The following KIT variants were observed in gnomAD, a reference collection of about 807,000 sequenced individuals.
KIT encodes mast/stem cell growth factor receptor Kit.
In KIT, 16 loss-of-function variants were observed where a neutral mutation model predicts 105.7. That is an observed-to-expected ratio of 0.15 (90% CI 0.10 to 0.23). KIT has a LOEUF of 0.23. Among genes scored for constraint, KIT ranks in the 10% least tolerant of loss-of-function variants. KIT has a pLI of 1.00. For synonymous variants in KIT, 438 were observed against 441.1 expected (o/e 0.99, Z 0.09); for missense variants, 858 against 1,213.8 (o/e 0.71, Z 4.36).
chr4:54,662,381 C>A (rs761682639), intron 1 of KIT, among the ~76,000 whole-genome samples: 6 of 152,134 alleles, frequency 3.9e-5, no homozygotes, highest in Non-Finnish European at 1.5e-5. Flanking sequence ...CTGTGACTTT[C>A]GGCAGATTAC....
intron 9 of KIT, 101 bp from the exon 10 acceptor site, chr4:54,727,117 G>A: frequency 1.1e-6 from 1 of 916,488 alleles, no homozygotes; most frequent in South Asian, 1.3e-5. Context: ...ATCCTGCCAT[G>A]GGCTGTGAGT....
Position 54,702,153 on chromosome 4 carries a change from T to TA in KIT, c.757-1567dup, listed in dbSNP as rs1382024132. Among the ~76,000 whole-genome samples, 4 of 152,296 alleles carry TA rather than the reference T, an allele frequency of 2.6e-5. No individual in the cohort carries two copies. The East Asian group carries it at 7.7e-4, about 29-fold the overall frequency. On this transcript the variant is annotated intron_variant, in intron 4 of 20. Transcript: ENST00000288135. ...GGTTACTTTAATGTAAAAATATTTG[T>TA]AAAACCTTAATAACATTAAAAAATA...
intron 1 of KIT, among the ~76,000 whole-genome samples, chr4:54,661,997 A>G (rs1024580117): frequency 6.6e-6 from 1 of 152,244 alleles, no homozygotes; most frequent in Non-Finnish European, 1.5e-5. Flanking sequence ...TCTTTGGCCT[A>G]CATGATGCTT....
chr4:54,671,177 G>A (rs1718084542), intron 1 of KIT, among the ~76,000 whole-genome samples: 1 of 152,246 alleles, frequency 6.6e-6, no homozygotes, highest in Non-Finnish European at 1.5e-5. Context: ...GAAATGATAA[G>A]CTCTCCAGTT....
At chr4:54,673,504 A>C (rs1718259894) in intron 1 of KIT, among the ~76,000 whole-genome samples, 1 of 151,706 alleles carries the variant, frequency 6.6e-6, no homozygotes. Flanking sequence ...TTAAATCTTC[A>C]TTTTCTTCAA....
chr4:54,706,019 T>C (rs1209908347), intron 5 of KIT, among the ~76,000 whole-genome samples: 1 of 152,252 alleles, frequency 6.6e-6, no homozygotes, highest in Non-Finnish European at 1.5e-5. Context: ...TTTATTGCTC[T>C]CTTTTTCAAG....
chr4:54,723,030 T>C (rs1721992776), intron 7 of KIT, among the ~76,000 whole-genome samples: 1 of 152,014 alleles, frequency 6.6e-6, no homozygotes, highest in Non-Finnish European at 1.5e-5. Context: ...CTTTATGTTC[T>C]AGCTTCCCTG....
At chr4:54,701,535 T>G (rs1014111634) in intron 4 of KIT, among the ~76,000 whole-genome samples, 3 of 152,232 alleles carry the variant, frequency 2.0e-5, no homozygotes, top group Non-Finnish European at 4.4e-5. Flanking sequence ...TTAGCTTTCT[T>G]AATGCCTCTA....
chr4:54,687,944 G>A (rs768134034), intron 1 of KIT, among the ~76,000 whole-genome samples: 1 of 152,084 alleles, frequency 6.6e-6, no homozygotes, highest in Admixed American at 6.6e-5. Context: ...TCTAGTTCTG[G>A]TTACACAGTA....
At position 54,736,485 on chromosome 4, in the gene KIT, G is replaced by T. The variant is rs2109810736; in HGVS notation, c.2485-13G>T. On this transcript the variant is annotated splice_polypyrimidine_tract_variant and intron_variant, in intron 17 of 20. Coordinates refer to ENST00000288135, the MANE Select transcript of KIT (RefSeq NM_000222.3). ...GAATTAACATTATTGACTCTGTTGTGCTTCTATTACAGGCTCGACTACCTG... is the reference window on the plus strand; with the variant it reads ...GAATTAACATTATTGACTCTGTTGTTCTTCTATTACAGGCTCGACTACCTG... 1 of 1,558,470 alleles carries T rather than the reference G, an allele frequency of 6.4e-7. No individual in the cohort carries two copies. The highest frequency in any genetic ancestry group is 8.9e-7 in the Non-Finnish European group (1 of 1,129,482).
At chr4:54,730,303 C>T (rs1722504979) in intron 14 of KIT, among the ~76,000 whole-genome samples, 3 of 152,082 alleles carry the variant, frequency 2.0e-5, no homozygotes, top group African/African-American at 7.2e-5. Context: ...TTCTCCTATC[C>T]TTTTCATGCA....
At chr4:54,707,324 AC>A (rs764835761) in intron 6 of KIT, 37 bp downstream of exon 6, 1 of 1,386,462 alleles carries the variant, frequency 7.2e-7, no homozygotes, top group South Asian at 1.2e-5. Flanking sequence ...ATTACACATT[AC>A]CCCCTTTTCC....
intron 17 of KIT, among the ~76,000 whole-genome samples, chr4:54,734,915 T>A (rs532622860): frequency 6.6e-6 from 1 of 152,304 alleles, no homozygotes; most frequent in African/African-American, 2.4e-5. Context: ...TAAGTAAATT[T>A]GTGATATGTC....
intron 7 of KIT, among the ~76,000 whole-genome samples, chr4:54,715,488 C>T (rs1721428554): frequency 6.6e-6 from 1 of 151,970 alleles, no homozygotes; most frequent in Non-Finnish European, 1.5e-5. Context: ...CAGGAAGCTT[C>T]CACTCATGGT....
chr4:54,731,438 A>G lies in KIT; in HGVS notation c.2233+19A>G, dbSNP rs1722592297. ...AGAATAGGTGAGTACCTACCTATCAAGCAACCAAGAGTAACTTTACAGAGA... is the reference window on the plus strand; with the variant it reads ...AGAATAGGTGAGTACCTACCTATCAGGCAACCAAGAGTAACTTTACAGAGA... On this transcript the variant is annotated intron_variant, in intron 15 of 20. Transcript: ENST00000288135. 3 of 1,471,682 alleles carry G rather than the reference A, an allele frequency of 2.0e-6. No homozygotes were observed. The highest frequency in any genetic ancestry group is 4.5e-5 in the East Asian group (2 of 44,190). The allele number at this position is 1,471,682 out of a possible 1,614,324, so 91.2% of individuals were successfully genotyped here. A position where few individuals can be genotyped will look rare whatever the true frequency, so the allele number is the denominator to read the frequency against.
chr4:54,724,788 A>T (rs1577990536), intron 8 of KIT, among the ~76,000 whole-genome samples: 1 of 152,130 alleles, frequency 6.6e-6, no homozygotes, highest in African/African-American at 2.4e-5. Flanking sequence ...AAAATCTCAT[A>T]ATGTTTTAAG....
Position 54,703,720 on chromosome 4 carries a change from G to A in KIT, c.757-4G>A, listed in dbSNP as rs1345795601. On this transcript the variant is annotated splice_region_variant and splice_polypyrimidine_tract_variant and intron_variant, in intron 4 of 20. Transcript: ENST00000288135. The stretch of plus-strand genomic sequence containing the variant: ...TTTTTTTTCTCCTTTTCTGAAACCA[G>A]CAGACTAAACTACAGGAGAAATATA... The A allele has an allele frequency of 6.2e-7, 1 of 1,612,328 alleles. No individual in the cohort carries two copies. Among genetic ancestry groups the A allele is most frequent in the Non-Finnish European group, 8.5e-7 (1 of 1,178,682 alleles).
At chr4:54,658,663 A>C (rs1161028892) in intron 1 of KIT, among the ~76,000 whole-genome samples, 1 of 151,804 alleles carries the variant, frequency 6.6e-6, no homozygotes, top group Non-Finnish European at 1.5e-5. Flanking sequence ...TCGCGGCGCC[A>C]CCCGTGGAGA....
intron 1 of KIT, among the ~76,000 whole-genome samples, chr4:54,683,305 T>A (rs544082937): frequency 6.6e-6 from 1 of 152,172 alleles, no homozygotes; most frequent in African/African-American, 2.4e-5. Flanking sequence ...GTATATATTT[T>A]CCCCTTCACA....
Sources: allele counts gnomAD v4.1 joint callset (sites outside exome capture counted in the v4.1 genomes callset), GRCh38; gene constraint gnomAD v4.1.1; transcripts MANE v1.5; gene names NCBI Gene and HGNC (gene_info 2026-07-23, HGNC 2026-07-21).